The following ITGA9 variants were observed in gnomAD, a reference collection of about 807,000 sequenced individuals.
ITGA9 encodes the protein integrin subunit alpha 9.
ITGA9 carries 56 observed loss-of-function variants against 127.8 expected under a neutral mutation model. That is an observed-to-expected ratio of 0.44 (90% CI 0.35 to 0.55). The LOEUF (loss-of-function observed/expected upper bound fraction) is 0.55, where lower values mean the gene tolerates loss of function less well. Among genes scored for constraint, ITGA9 ranks in the 20% least tolerant of loss-of-function variants. The pLI, the probability that ITGA9 is intolerant of heterozygous loss-of-function variation, is 0.00. For synonymous variants in ITGA9, 508 were observed against 514.5 expected (o/e 0.99, Z 0.17); for missense variants, 1,196 against 1,347.1 (o/e 0.89, Z 1.76).
intron 18 of ITGA9, among the ~76,000 whole-genome samples, chr3:37,715,039 T>C (rs1376261857): frequency 2.0e-5 from 3 of 152,192 alleles, no homozygotes; most frequent in African/African-American, 7.2e-5. Flanking sequence ...GAAGCATCAA[T>C]CTGTTCATCC....
chr3:37,529,790 T>C (rs895379957), intron 13 of ITGA9, among the ~76,000 whole-genome samples: 1 of 151,770 alleles, frequency 6.6e-6, no homozygotes, highest in African/African-American at 2.4e-5. Context: ...GCTCCAGAGA[T>C]GAGGGATGGG....
At chr3:37,706,026 A>T (rs945829010) in intron 18 of ITGA9, among the ~76,000 whole-genome samples, 2 of 152,192 alleles carry the variant, frequency 1.3e-5, no homozygotes, top group Non-Finnish European at 2.9e-5. Flanking sequence ...GGCAGCAAAA[A>T]GTGGAAAGAC....
At chr3:37,642,768 A>T (rs1198263880) in intron 16 of ITGA9, among the ~76,000 whole-genome samples, 2 of 152,210 alleles carry the variant, frequency 1.3e-5, no homozygotes, top group Non-Finnish European at 2.9e-5. Flanking sequence ...GTAATTTTTA[A>T]CTATGTTGAA....
chr3:37,696,274 T>A (rs769464374), intron 18 of ITGA9, among the ~76,000 whole-genome samples: 1 of 151,908 alleles, frequency 6.6e-6, no homozygotes, highest in Non-Finnish European at 1.5e-5. Context: ...CTGAGAGAGG[T>A]AGTTTGTGAG....
chr3:37,710,909 C>T (rs1701072453), intron 18 of ITGA9, among the ~76,000 whole-genome samples: 1 of 152,176 alleles, frequency 6.6e-6, no homozygotes, highest in African/African-American at 2.4e-5. Context: ...GCCCTAACAC[C>T]CACTGTATTA....
chr3:37,754,500 C>A (rs1002467248), intron 23 of ITGA9, among the ~76,000 whole-genome samples: 2 of 152,220 alleles, frequency 1.3e-5, no homozygotes, highest in Admixed American at 1.3e-4. Flanking sequence ...TCATACCATT[C>A]ATTCCTCCTC....
At chr3:37,506,494 C>A (rs944209106) in intron 7 of ITGA9, among the ~76,000 whole-genome samples, 5 of 152,188 alleles carry the variant, frequency 3.3e-5, no homozygotes, top group Non-Finnish European at 5.9e-5. Context: ...AGGCTTTATT[C>A]ATGCCCCAAA....
chr3:37,497,055 T>A (rs544340570), intron 5 of ITGA9, among the ~76,000 whole-genome samples: 10 of 152,368 alleles, frequency 6.6e-5, no homozygotes, highest in Non-Finnish European at 1.2e-4. Context: ...CTTTCCCTGA[T>A]TATTAATGTC....
chr3:37,546,838 G>T (rs141489174), intron 15 of ITGA9, among the ~76,000 whole-genome samples: 1 of 152,296 alleles, frequency 6.6e-6, no homozygotes, highest in East Asian at 1.9e-4. Flanking sequence ...ATAAATGCAG[G>T]TGTCCTGTTG....
intron 8 of ITGA9, among the ~76,000 whole-genome samples, chr3:37,512,120 C>CTTTTTCT (rs60763846): frequency 3.5e-4 from 14 of 39,466 alleles, no homozygotes; most frequent in African/African-American, 1.7e-3. Context: ...TTCCTTCCTT[C>CTTTTTCT]TTTCTTTTCT....
chr3:37,726,623 A>G lies in ITGA9; in HGVS notation c.2068-6089A>G, dbSNP rs190923573. Among the ~76,000 whole-genome samples, 422 of 152,366 alleles carry G rather than the reference A, an allele frequency of 2.8e-3. 3 individuals are homozygous for G. Among genetic ancestry groups the G allele is most frequent in the Non-Finnish European group, 4.5e-3 (305 of 68,040 alleles). Reference sequence around the variant, plus strand: ...CCAAGCTTCCGGGGCTGGGACAGGCAAGGTATGTCTGGATGAGAGAAGGTC... The same window carrying G: ...CCAAGCTTCCGGGGCTGGGACAGGCGAGGTATGTCTGGATGAGAGAAGGTC... On this transcript the variant is annotated intron_variant, in intron 18 of 27. Transcript: ENST00000264741.
At chr3:37,565,549 A>G (rs940747761) in intron 15 of ITGA9, among the ~76,000 whole-genome samples, 43 of 152,250 alleles carry the variant, frequency 2.8e-4, no homozygotes, top group Admixed American at 2.8e-3. Flanking sequence ...GGCTTGTTTA[A>G]ACAGATCATG....
At chr3:37,557,574 T>A (rs892531417) in intron 15 of ITGA9, among the ~76,000 whole-genome samples, 1 of 152,068 alleles carries the variant, frequency 6.6e-6, no homozygotes, top group African/African-American at 2.4e-5. Flanking sequence ...TCCCAGGAGA[T>A]TTGTGTGAAG....
chr3:37,811,978 A>C (rs1697373775), intron 27 of ITGA9, among the ~76,000 whole-genome samples: 1 of 152,256 alleles, frequency 6.6e-6, no homozygotes, highest in African/African-American at 2.4e-5. Flanking sequence ...CTTAGAAAAC[A>C]AATCTGTGAA....
intron 15 of ITGA9, among the ~76,000 whole-genome samples, chr3:37,562,246 A>G (rs1007636750): frequency 1.3e-5 from 2 of 152,010 alleles, no homozygotes; most frequent in Non-Finnish European, 1.5e-5. Flanking sequence ...CCTCCATGTA[A>G]TCACACACTC....
chr3:37,489,690 CCTT>C (rs1354933353), intron 4 of ITGA9, among the ~76,000 whole-genome samples: 2 of 111,994 alleles, frequency 1.8e-5, no homozygotes, highest in Non-Finnish European at 3.5e-5. Context: ...GTATAATTGC[CCTT>C]TTTTTTTTTT....
chr3:37,657,087 G>A (rs1476452904), intron 17 of ITGA9, among the ~76,000 whole-genome samples: 1 of 152,168 alleles, frequency 6.6e-6, no homozygotes, highest in Non-Finnish European at 1.5e-5. Context: ...GCTGGATTCA[G>A]TTTGCCAGTA....
chr3:37,577,836 A>G (rs7373946), intron 15 of ITGA9, among the ~76,000 whole-genome samples: 98,169 of 152,184 alleles, frequency 0.65, 32,000 homozygotes, highest in East Asian at 0.74. Flanking sequence ...TTATTTAGTC[A>G]TGAGCGTCAC....
chr3:37,709,727 C>T (rs530299733), intron 18 of ITGA9, among the ~76,000 whole-genome samples: 2 of 152,358 alleles, frequency 1.3e-5, no homozygotes, highest in East Asian at 1.9e-4. Flanking sequence ...AACATCATCA[C>T]CTTCACGCTT....
Sources: allele counts gnomAD v4.1 joint callset (sites outside exome capture counted in the v4.1 genomes callset), GRCh38; gene constraint gnomAD v4.1.1; transcripts MANE v1.5; gene names NCBI Gene and HGNC (gene_info 2026-07-23, HGNC 2026-07-21).